The following NTM variants were observed in gnomAD, a reference collection of about 807,000 sequenced individuals.
The protein encoded by NTM is neurotrimin, also known as IgLON family member 2.
A neutral mutation model predicts 42.1 loss-of-function variants in NTM; 13 were observed. That is an observed-to-expected ratio of 0.31 (90% CI 0.20 to 0.49). The LOEUF (loss-of-function observed/expected upper bound fraction) is 0.49, where lower values mean the gene tolerates loss of function less well. Ranked by LOEUF, NTM falls within the 20% of genes least tolerant of loss-of-function variation. The pLI, the probability that NTM is intolerant of heterozygous loss-of-function variation, is 0.99. For missense variants in NTM, 373 were observed against 452.8 expected (o/e 0.82, Z 1.60); for synonymous variants, 187 against 179.2 (o/e 1.04, Z -0.35).
intron 1 of NTM, among the ~76,000 whole-genome samples, chr11:131,564,248 C>T (rs141909597): frequency 6.7e-6 from 1 of 149,306 alleles, no homozygotes; most frequent in African/African-American, 2.5e-5. Flanking sequence ...GTCCCTATGC[C>T]ACCCTATTTA....
intron 4 of NTM, among the ~76,000 whole-genome samples, chr11:132,286,525 A>G (rs1434754451): frequency 1.3e-5 from 2 of 151,082 alleles, no homozygotes; most frequent in South Asian, 4.2e-4. Context: ...CGCCCCCCCC[A>G]CCCAAACACA....
intron 2 of NTM, among the ~76,000 whole-genome samples, chr11:132,089,984 A>G (rs1204465956): frequency 6.6e-6 from 1 of 152,152 alleles, no homozygotes; most frequent in Non-Finnish European, 1.5e-5. Flanking sequence ...CACTTCATGG[A>G]GCCCTTAGTG....
chr11:132,009,470 TGATGTGGAAAGG>T (rs760800737), intron 2 of NTM, among the ~76,000 whole-genome samples: 81 of 151,598 alleles, frequency 5.3e-4, no homozygotes, highest in South Asian at 1.9e-3. Flanking sequence ...CTGCAGACAG[TGATGTGGAAAGG>T]GATGTCGTTT....
chr11:132,129,272 G>T (rs955471497), intron 2 of NTM, among the ~76,000 whole-genome samples: 7 of 152,284 alleles, frequency 4.6e-5, no homozygotes, highest in African/African-American at 1.7e-4. Context: ...TGTACGTATT[G>T]TTACTATTGA....
intron 1 of NTM, among the ~76,000 whole-genome samples, chr11:131,803,225 T>C (rs1203339460): frequency 6.6e-6 from 1 of 152,174 alleles, no homozygotes; most frequent in Non-Finnish European, 1.5e-5. Context: ...TCTTCACGCT[T>C]CTTCATCTTT....
chr11:131,578,283 A>G (rs1047245369), intron 1 of NTM, among the ~76,000 whole-genome samples: 1 of 152,234 alleles, frequency 6.6e-6, no homozygotes, highest in Non-Finnish European at 1.5e-5. Context: ...TAGGTCCCCC[A>G]AGCAAATTAT....
At chr11:131,726,874 T>C (rs1416905358) in intron 1 of NTM, among the ~76,000 whole-genome samples, 1 of 151,234 alleles carries the variant, frequency 6.6e-6, no homozygotes, top group Non-Finnish European at 1.5e-5. Flanking sequence ...CCACCATGCA[T>C]GGCTATTTTT....
At chr11:131,753,656 A>G (rs986536765) in intron 1 of NTM, among the ~76,000 whole-genome samples, 13 of 150,992 alleles carry the variant, frequency 8.6e-5, no homozygotes, top group African/African-American at 3.0e-4. Context: ...AAAACCAAAC[A>G]CTGCATATTC....
intron 1 of NTM, among the ~76,000 whole-genome samples, chr11:131,714,681 A>G (rs1022314084): frequency 6.6e-6 from 1 of 152,152 alleles, no homozygotes; most frequent in African/African-American, 2.4e-5. Flanking sequence ...CATAGGCTAA[A>G]CACATGCCAC....
chr11:132,214,742 T>G (rs1222515723), intron 4 of NTM, among the ~76,000 whole-genome samples: 1 of 152,150 alleles, frequency 6.6e-6, no homozygotes, highest in African/African-American at 2.4e-5. Flanking sequence ...CCAAGGGAAC[T>G]TTTGCCTGAG....
intron 2 of NTM, among the ~76,000 whole-genome samples, chr11:131,968,279 G>T (rs555408294): frequency 1.3e-5 from 2 of 152,278 alleles, no homozygotes; most frequent in African/African-American, 4.8e-5. Context: ...ATTTGTGAGC[G>T]GAGGTCTGCT....
At chr11:131,853,576 T>C (rs1011674226) in intron 1 of NTM, among the ~76,000 whole-genome samples, 5 of 152,254 alleles carry the variant, frequency 3.3e-5, no homozygotes, top group Non-Finnish European at 7.3e-5. Flanking sequence ...CATGATCTCA[T>C]TCCTTTTTGT....
intron 4 of NTM, among the ~76,000 whole-genome samples, chr11:132,264,212 C>T (rs1271833383): frequency 6.6e-6 from 1 of 152,146 alleles, no homozygotes; most frequent in Non-Finnish European, 1.5e-5. Flanking sequence ...GGAAATTGCA[C>T]CTATTTCAAT....
chr11:131,483,686 G>T (rs1474519278), intron 1 of NTM, among the ~76,000 whole-genome samples: 1 of 148,902 alleles, frequency 6.7e-6, no homozygotes, highest in Non-Finnish European at 1.5e-5. Flanking sequence ...ACCAGCAGCA[G>T]CGAAGAAGAG....
intron 2 of NTM, among the ~76,000 whole-genome samples, chr11:131,974,578 T>TA (rs1218885057): frequency 6.6e-6 from 1 of 152,194 alleles, no homozygotes; most frequent in African/African-American, 2.4e-5. Flanking sequence ...AAGATACGTG[T>TA]AATGTGAAAA....
intron 1 of NTM, among the ~76,000 whole-genome samples, chr11:131,899,653 G>A (rs2052827522): frequency 6.6e-6 from 1 of 152,174 alleles, no homozygotes; most frequent in Admixed American, 6.5e-5. Context: ...CAAACAGTGT[G>A]GGTATATCAC....
chr11:132,084,578 T>A (rs1166253551), intron 2 of NTM, among the ~76,000 whole-genome samples: 2 of 152,186 alleles, frequency 1.3e-5, no homozygotes, highest in Admixed American at 6.5e-5. Flanking sequence ...CTGTTAAATA[T>A]GGTAGAGGTT....
At chr11:131,755,992 T>C (rs777810194) in intron 1 of NTM, among the ~76,000 whole-genome samples, 1 of 152,244 alleles carries the variant, frequency 6.6e-6, no homozygotes, top group Non-Finnish European at 1.5e-5. Flanking sequence ...ATCACTGTCC[T>C]AACTTCTGGA....
Position 132,335,031 on chromosome 11 carries a change from G to C in NTM, c.968-15G>C. On this transcript the variant is annotated splice_polypyrimidine_tract_variant and intron_variant, in intron 8 of 8. Coordinates refer to ENST00000683400, the MANE Select transcript of NTM (RefSeq NM_001352005.2). Reference sequence around the variant, plus strand: ...TTCTCCCAGACCACTCACGGCGAGTGTGTTCTCTCCACAGGTCCAGGCGCC... The same window carrying C: ...TTCTCCCAGACCACTCACGGCGAGTCTGTTCTCTCCACAGGTCCAGGCGCC... 1 of 1,610,704 alleles carries C rather than the reference G, an allele frequency of 6.2e-7. No homozygotes were observed. The highest frequency in any genetic ancestry group is 8.5e-7 in the Non-Finnish European group (1 of 1,179,450).
Sources: allele counts gnomAD v4.1 joint callset (sites outside exome capture counted in the v4.1 genomes callset), GRCh38; gene constraint gnomAD v4.1.1; transcripts MANE v1.5; gene names NCBI Gene and HGNC (gene_info 2026-07-23, HGNC 2026-07-21).